Variants in FIRRM observed in about 807,000 individuals in gnomAD.
FIRRM encodes the protein FIGNL1-interacting regulator of recombination and mitosis.
At chr1:169,845,805 C>A in the FIRRM span, among the ~76,000 whole-genome samples, 2 of 152,198 alleles carry the variant, frequency 1.3e-5, no homozygotes. Flanking sequence ...TTGAACCCCC[C>A]AAAGTCATCC....
the FIRRM span, among the ~76,000 whole-genome samples, chr1:169,815,206 G>A: frequency 1.3e-5 from 2 of 151,494 alleles, no homozygotes; most frequent in East Asian, 3.9e-4. Flanking sequence ...TGAGGCAGGA[G>A]AATCTCTTGA....
At chr1:169,807,691 T>G in the FIRRM span, 1 of 1,094,884 alleles carries the variant, frequency 9.1e-7, no homozygotes, top group Non-Finnish European at 1.3e-6. Context: ...GCTTTTTGAT[T>G]GTTTTTTTAA....
chr1:169,789,282 C>T, the FIRRM span, among the ~76,000 whole-genome samples: 2 of 152,162 alleles, frequency 1.3e-5, no homozygotes, highest in South Asian at 2.1e-4. Context: ...ATTTAGTAAG[C>T]ACCTGAAGAA....
At chr1:169,839,615 T>TCCTTATAGATAAGTTCCTTA in the FIRRM span, among the ~76,000 whole-genome samples, 1 of 152,218 alleles carries the variant, frequency 6.6e-6, no homozygotes, top group Non-Finnish European at 1.5e-5. Context: ...GTTCAGGTGT[T>TCCTTATAGATAAGTTCCTTA]TAAGTTCCTT....
At chr1:169,842,387 C>T in the FIRRM span, 2 of 1,602,554 alleles carry the variant, frequency 1.2e-6, no homozygotes, top group Admixed American at 3.5e-5. Context: ...GGTGTTTAAA[C>T]TCAAGTCCTT....
chr1:169,800,709 T>TTC, the FIRRM span, among the ~76,000 whole-genome samples: 241 of 90,070 alleles, frequency 2.7e-3, no homozygotes, highest in African/African-American at 0.012. Context: ...GTCGTTTCCT[T>TTC]TCTCTCTTTT....
the FIRRM span, chr1:169,821,654 TTTC>T: frequency 6.7e-7 from 1 of 1,495,380 alleles, no homozygotes; most frequent in Non-Finnish European, 9.1e-7. Context: ...TTTATTATGC[TTTC>T]TTATTTCCCT....
chr1:169,800,503 A>G, the FIRRM span, among the ~76,000 whole-genome samples: 1 of 152,222 alleles, frequency 6.6e-6, no homozygotes, highest in Non-Finnish European at 1.5e-5. Context: ...TCATTTCCGT[A>G]TATTCCTGCC....
chr1:169,815,252 C>T, the FIRRM span, among the ~76,000 whole-genome samples: 213 of 150,418 alleles, frequency 1.4e-3, no homozygotes, highest in African/African-American at 4.9e-3. Flanking sequence ...GCCGAGATCG[C>T]GCCACTGCAC....
the FIRRM span, chr1:169,793,802 C>G: frequency 4.8e-6 from 5 of 1,048,044 alleles, no homozygotes; most frequent in Non-Finnish European, 6.8e-6. Context: ...TTTTGTTGGG[C>G]CCAATTTCTC....
chr1:169,832,606 CTT>C, the FIRRM span: 1 of 895,376 alleles, frequency 1.1e-6, no homozygotes, highest in Non-Finnish European at 1.8e-6. Flanking sequence ...AAAAATTTAT[CTT>C]ATTATTTTTT....
chr1:169,831,656 A>G, the FIRRM span, among the ~76,000 whole-genome samples: 1 of 152,200 alleles, frequency 6.6e-6, no homozygotes, highest in African/African-American at 2.4e-5. Flanking sequence ...GTAGGAATGG[A>G]TTTCTTCTAG....
chr1:169,853,917 T>TAACA, the FIRRM span: 89 of 864,534 alleles, frequency 1.0e-4, no homozygotes, highest in African/African-American at 1.3e-3. Context: ...CTTAGAGCTC[T>TAACA]AACAGAAAGT....
chr1:169,849,394 A>G, the FIRRM span: 1 of 768,432 alleles, frequency 1.3e-6, no homozygotes, highest in Non-Finnish European at 2.1e-6. Context: ...CCCCTGGGAC[A>G]GGATTATGTT....
At chr1:169,821,537 T>C in the FIRRM span, 1 of 493,814 alleles carries the variant, frequency 2.0e-6, no homozygotes, top group South Asian at 4.1e-5. Context: ...GGAGTTATAT[T>C]TTCTCGGAAA....
chr1:169,853,403 G>T, the FIRRM span: 84 of 364,836 alleles, frequency 2.3e-4, no homozygotes, highest in Middle Eastern at 2.3e-3. Context: ...TTTACTTCCA[G>T]AATTGTCCTG....
At chr1:169,811,904 CAGAGTGAG>C in the FIRRM span, among the ~76,000 whole-genome samples, 1 of 147,654 alleles carries the variant, frequency 6.8e-6, no homozygotes, top group Non-Finnish European at 1.5e-5. Flanking sequence ...GCTTGGACAA[CAGAGTGAG>C]AGCCTGTCTA....
the FIRRM span, chr1:169,853,615 C>T: frequency 2.3e-6 from 3 of 1,282,420 alleles, no homozygotes; most frequent in Non-Finnish European, 3.3e-6. Flanking sequence ...AAAAGCAGGC[C>T]ACTTTGGGGT....
the FIRRM span, among the ~76,000 whole-genome samples, chr1:169,809,764 T>A: frequency 1.3e-5 from 2 of 152,168 alleles, no homozygotes; most frequent in African/African-American, 4.8e-5. Context: ...TGAGGTGGAC[T>A]GTATAATTTC....
Sources: allele counts gnomAD v4.1 joint callset (sites outside exome capture counted in the v4.1 genomes callset), GRCh38; gene constraint gnomAD v4.1.1; transcripts MANE v1.5; gene names NCBI Gene and HGNC (gene_info 2026-07-23, HGNC 2026-07-21).